The following EGFLAM variants were observed in gnomAD, a reference collection of about 807,000 sequenced individuals.
EGFLAM encodes the protein EGF like, fibronectin type III and laminin G domains, also known as pikachurin.
In EGFLAM, 79 loss-of-function variants were observed where a neutral mutation model predicts 113.1. That is an observed-to-expected ratio of 0.70 (90% CI 0.58 to 0.84). EGFLAM has a LOEUF of 0.84. EGFLAM is among the 40% of genes least tolerant of loss of function. The probability of loss-of-function intolerance (pLI) is 0.00; values close to 1 mark genes in which losing one functional copy is unlikely to be tolerated. For missense variants in EGFLAM, 1,265 were observed against 1,291.6 expected (o/e 0.98, Z 0.32); for synonymous variants, 504 against 487.6 (o/e 1.03, Z -0.44).
chr5:38,348,956 G>T (rs556777509), intron 3 of EGFLAM, among the ~76,000 whole-genome samples: 1 of 152,296 alleles, frequency 6.6e-6, no homozygotes, highest in East Asian at 1.9e-4. Context: ...TGTAGATTCT[G>T]ATTTAAGTGG....
chr5:38,311,422 A>G (rs1408895766), intron 1 of EGFLAM, among the ~76,000 whole-genome samples: 1 of 152,086 alleles, frequency 6.6e-6, no homozygotes, highest in Admixed American at 6.6e-5. Context: ...AAGATCCTAT[A>G]TGTAAGTGAG....
intron 2 of EGFLAM, among the ~76,000 whole-genome samples, 157 bp from the exon 3 acceptor site, chr5:38,338,541 C>G (rs1010509905): frequency 7.9e-5 from 12 of 152,200 alleles, no homozygotes; most frequent in African/African-American, 2.9e-4. Flanking sequence ...ACCCCCCACC[C>G]AACCCAAGTA....
At chr5:38,435,806 CTTTTTTT>C (rs60461690) in intron 16 of EGFLAM, among the ~76,000 whole-genome samples, 12 of 88,924 alleles carry the variant, frequency 1.3e-4, no homozygotes, top group South Asian at 4.1e-4. Flanking sequence ...CCGGCTCTCT[CTTTTTTT>C]TTTTTTTTTT....
chr5:38,411,644 A>G (rs1741484146), intron 10 of EGFLAM, among the ~76,000 whole-genome samples: 1 of 151,162 alleles, frequency 6.6e-6, no homozygotes, highest in African/African-American at 2.4e-5. Context: ...CATCGTGCTC[A>G]GTTAACTTTT....
chr5:38,432,788 G>T (rs1292839919), intron 15 of EGFLAM, among the ~76,000 whole-genome samples: 2 of 152,194 alleles, frequency 1.3e-5, no homozygotes, highest in Non-Finnish European at 1.5e-5. Flanking sequence ...TTACTCTTCA[G>T]GACACAGTAT....
chr5:38,435,827 T>C (rs1742327524), intron 16 of EGFLAM, among the ~76,000 whole-genome samples: 2 of 141,092 alleles, frequency 1.4e-5, no homozygotes, highest in Non-Finnish European at 3.0e-5. Context: ...TTTTTTTTTT[T>C]TTTTTTTTGA....
intron 1 of EGFLAM, among the ~76,000 whole-genome samples, chr5:38,311,173 A>G (rs1437730612): frequency 6.6e-6 from 1 of 152,174 alleles, no homozygotes; most frequent in Non-Finnish European, 1.5e-5. Context: ...GGCTAATGGA[A>G]GTCTATCAAC....
chr5:38,365,756 A>G (rs540613430), intron 5 of EGFLAM, among the ~76,000 whole-genome samples: 1 of 152,354 alleles, frequency 6.6e-6, no homozygotes, highest in African/African-American at 2.4e-5. Flanking sequence ...GTATTCATAT[A>G]TAATATACAT....
rs775841933 is a variant in EGFLAM, at chr5:38,338,808, C to T, written c.291+27C>T. 6 of 1,605,528 alleles carry T rather than the reference C, an allele frequency of 3.7e-6. No homozygotes were observed. The East Asian group carries it at 8.9e-5, about 24-fold the overall frequency. On this transcript the variant is annotated intron_variant, in intron 3 of 21. Transcript: ENST00000322350. ...TGAGTCTTTCCATCCTGGCAGCCCA[C>T]TCAAAAGCATGTGGGCACTATTCGG...
chr5:38,346,403 A>G (rs1739473023), intron 3 of EGFLAM: 1 of 152,194 alleles, frequency 6.6e-6, no homozygotes, highest in Non-Finnish European at 1.5e-5. Context: ...TCAAATCCCT[A>G]TTTTGCCACT....
At chr5:38,276,171 G>C (rs113626567) in intron 1 of EGFLAM, among the ~76,000 whole-genome samples, 1,913 of 152,084 alleles carry the variant, frequency 0.013, 38 homozygotes, top group African/African-American at 0.043. Context: ...GCTTGTGCAG[G>C]GAAACTCCAC....
In EGFLAM at chr5:38,454,553, A is replaced by G. The variant is rs112355821; in HGVS notation, c.2687+3095A>G. Among the ~76,000 whole-genome samples the G allele has an allele frequency of 4.8e-3, 735 of 152,336 alleles. 7 individuals carry two copies. The highest frequency in any genetic ancestry group is 0.016 in the African/African-American group (664 of 41,568). On this transcript the variant is annotated intron_variant, in intron 19 of 21. Transcript: ENST00000322350. The stretch of plus-strand genomic sequence containing the variant: ...TCTGAGTCTTAGAAGCCTTTACCTC[A>G]GAGAGAGAACACGTAGTTATTATTA...
intron 17 of EGFLAM, among the ~76,000 whole-genome samples, chr5:38,441,819 A>G (rs1018072150): frequency 1.3e-5 from 2 of 152,172 alleles, no homozygotes; most frequent in Non-Finnish European, 2.9e-5. Context: ...TCACCTGGGA[A>G]ACTAAGCTTT....
At chr5:38,397,577 G>T (rs1212684192) in intron 6 of EGFLAM, among the ~76,000 whole-genome samples, 2 of 152,134 alleles carry the variant, frequency 1.3e-5, no homozygotes, top group Admixed American at 1.3e-4. Flanking sequence ...ACAGGTGTAA[G>T]CTACCACGTC....
chr5:38,396,898 T>C (rs1341006806), intron 6 of EGFLAM, among the ~76,000 whole-genome samples: 1 of 152,128 alleles, frequency 6.6e-6, no homozygotes, highest in Non-Finnish European at 1.5e-5. Context: ...GCCATCTGCT[T>C]GACTTTCCAC....
intron 6 of EGFLAM, among the ~76,000 whole-genome samples, chr5:38,374,206 A>G (rs950287129): frequency 1.3e-5 from 2 of 152,166 alleles, no homozygotes; most frequent in Non-Finnish European, 2.9e-5. Context: ...TAACCACCCA[A>G]CAGTTCACCT....
chr5:38,316,510 G>A (rs1469644976), intron 1 of EGFLAM, among the ~76,000 whole-genome samples: 1 of 152,176 alleles, frequency 6.6e-6, no homozygotes, highest in East Asian at 1.9e-4. Flanking sequence ...GAGTTGTTGT[G>A]AGGATTGATG....
At chr5:38,315,440 T>G (rs1184432604) in intron 1 of EGFLAM, among the ~76,000 whole-genome samples, 1 of 152,250 alleles carries the variant, frequency 6.6e-6, no homozygotes, top group Non-Finnish European at 1.5e-5. Context: ...TATACCACCA[T>G]TCATCGCACA....
At chr5:38,415,239 T>C (rs1158436478) in intron 11 of EGFLAM, among the ~76,000 whole-genome samples, 1 of 151,814 alleles carries the variant, frequency 6.6e-6, no homozygotes, top group East Asian at 1.9e-4. Flanking sequence ...GGTGGGCGCC[T>C]GTAATCCTAG....
Sources: allele counts gnomAD v4.1 joint callset (sites outside exome capture counted in the v4.1 genomes callset), GRCh38; gene constraint gnomAD v4.1.1; transcripts MANE v1.5; gene names NCBI Gene and HGNC (gene_info 2026-07-23, HGNC 2026-07-21).